Variants in CSMD1 observed in about 807,000 individuals in gnomAD.
The protein encoded by CSMD1 is CUB and sushi domain-containing protein 1.
In CSMD1, 213 loss-of-function variants were observed where a neutral mutation model predicts 417.5. That is an observed-to-expected ratio of 0.51 (90% CI 0.46 to 0.57). CSMD1 has a LOEUF of 0.57. CSMD1 is among the 20% of genes least tolerant of loss of function. The pLI is 0.00. For missense variants in CSMD1, 6,923 were observed against 4,529.7 expected (o/e 1.53, Z -15.17); for synonymous variants, 2,862 against 1,736.8 (o/e 1.65, Z -16.11).
At chr8:3,476,201 A>C (rs1426372063) in intron 11 of CSMD1, among the ~76,000 whole-genome samples, 1 of 152,202 alleles carries the variant, frequency 6.6e-6, no homozygotes, top group Non-Finnish European at 1.5e-5. Context: ...TGCAAAAACA[A>C]AACAAGAGAT....
chr8:3,152,735 C>T (rs1048341195), intron 39 of CSMD1, among the ~76,000 whole-genome samples: 2 of 152,170 alleles, frequency 1.3e-5, no homozygotes, highest in Non-Finnish European at 2.9e-5. Flanking sequence ...AACTGTGTTG[C>T]TATTTAAAGT....
chr8:4,286,705 A>T (rs916223567), intron 3 of CSMD1, among the ~76,000 whole-genome samples: 2 of 152,150 alleles, frequency 1.3e-5, no homozygotes, highest in African/African-American at 2.4e-5. Context: ...CAAACAAGAG[A>T]ATGTATGCAG....
intron 68 of CSMD1, 142 bp from the exon 69 acceptor site, chr8:2,942,746 T>G: frequency 1.6e-6 from 1 of 625,824 alleles, no homozygotes; most frequent in Non-Finnish European, 2.6e-6. Context: ...GATATTCTTT[T>G]CTAAAGATTT....
intron 3 of CSMD1, among the ~76,000 whole-genome samples, chr8:4,297,756 A>T (rs1797764257): frequency 6.6e-6 from 1 of 152,152 alleles, no homozygotes; most frequent in Non-Finnish European, 1.5e-5. Flanking sequence ...AACGATTAAG[A>T]ACCAACATCC....
intron 3 of CSMD1, among the ~76,000 whole-genome samples, chr8:4,185,849 G>C (rs1452526371): frequency 6.6e-6 from 1 of 152,186 alleles, no homozygotes; most frequent in African/African-American, 2.4e-5. Flanking sequence ...GCAATGAACA[G>C]AGCAACCGTT....
chr8:4,883,506 A>G (rs1050990940), intron 1 of CSMD1, among the ~76,000 whole-genome samples: 1 of 152,106 alleles, frequency 6.6e-6, no homozygotes, highest in African/African-American at 2.4e-5. Context: ...CATCAACCAG[A>G]TGTTGACAAC....
chr8:4,130,895 C>T lies in CSMD1; in HGVS notation c.416-98796G>A, dbSNP rs754584871. On this transcript the variant is annotated intron_variant, in intron 3 of 69. Transcript: ENST00000635120. ...TGTTCATATGCTGAGATAGGTAGAA[C>T]AATGCATTGGATGGACGGATTAATT... 7.9e-5 allele frequency among the ~76,000 whole-genome samples: 12 copies of T among 151,572 alleles called. 1 individual carries two copies. The highest frequency in any genetic ancestry group is 2.0e-4 in the Admixed American group (3 of 15,216).
At chr8:4,612,414 T>C (rs1006805420) in intron 2 of CSMD1, among the ~76,000 whole-genome samples, 2 of 152,142 alleles carry the variant, frequency 1.3e-5, no homozygotes, top group East Asian at 3.8e-4. Context: ...CAAATGATTG[T>C]TTTCTTCAGG....
Position 4,058,816 on chromosome 8 carries a change from G to C in CSMD1, c.416-26717C>G, listed in dbSNP as rs1351863880. Reference sequence around the variant, plus strand: ...GCAAGTCCTGAGTGACCTACAAAGAGACTTAGACTCCCACACAATAATAAT... The same window carrying C: ...GCAAGTCCTGAGTGACCTACAAAGACACTTAGACTCCCACACAATAATAAT... On this transcript the variant is annotated intron_variant, in intron 3 of 69. Coordinates refer to ENST00000635120, the MANE Select transcript of CSMD1 (RefSeq NM_033225.6). Among the ~76,000 whole-genome samples, 4 of 150,902 alleles carry C rather than the reference G, an allele frequency of 2.7e-5. No homozygotes were observed. In the East Asian group the frequency reaches 5.8e-4, roughly 22 times the overall value.
chr8:4,780,193 G>A (rs1797080684), intron 1 of CSMD1, among the ~76,000 whole-genome samples: 1 of 152,204 alleles, frequency 6.6e-6, no homozygotes, highest in South Asian at 2.1e-4. Context: ...GCCTATGATA[G>A]GGGATTATGT....
intron 6 of CSMD1, among the ~76,000 whole-genome samples, chr8:3,734,951 T>C (rs557618922): frequency 1.3e-5 from 2 of 152,262 alleles, no homozygotes; most frequent in Admixed American, 1.3e-4. Flanking sequence ...CCCTCCAGAG[T>C]AGCCTCTGTT....
chr8:3,062,615 G>A (rs752468456), intron 49 of CSMD1, among the ~76,000 whole-genome samples: 7 of 149,678 alleles, frequency 4.7e-5, no homozygotes, highest in East Asian at 1.9e-4. Context: ...AGGATTGAGC[G>A]AGAAGTATCT....
intron 4 of CSMD1, among the ~76,000 whole-genome samples, chr8:4,029,143 G>A (rs1373197382): frequency 6.6e-6 from 1 of 152,052 alleles, no homozygotes; most frequent in Admixed American, 6.6e-5. Flanking sequence ...TAAAAAGGAG[G>A]CAACAGGGCT....
chr8:4,465,623 G>C (rs548572005), intron 2 of CSMD1, among the ~76,000 whole-genome samples: 2 of 152,122 alleles, frequency 1.3e-5, no homozygotes, highest in Admixed American at 6.5e-5. Flanking sequence ...TTAAGTTAAG[G>C]CCTCAGTAGA....
intron 3 of CSMD1, among the ~76,000 whole-genome samples, chr8:4,155,672 G>T (rs770543676): frequency 3.8e-4 from 58 of 152,250 alleles, no homozygotes; most frequent in Admixed American, 1.3e-3. Flanking sequence ...AAACGTGACA[G>T]ATTTTAAGCA....
chr8:4,277,655 G>C (rs763317769), intron 3 of CSMD1, among the ~76,000 whole-genome samples: 10 of 152,132 alleles, frequency 6.6e-5, no homozygotes, highest in Non-Finnish European at 1.5e-4. Context: ...CAACCTGTTT[G>C]TATCATGTAC....
intron 3 of CSMD1, among the ~76,000 whole-genome samples, chr8:4,363,166 A>G (rs1038170692): frequency 1.3e-5 from 2 of 152,190 alleles, no homozygotes; most frequent in Non-Finnish European, 2.9e-5. Context: ...AAACATACCT[A>G]AACAGGCTTA....
intron 2 of CSMD1, among the ~76,000 whole-genome samples, chr8:4,533,263 G>A (rs1260357671): frequency 1.3e-5 from 2 of 152,128 alleles, no homozygotes; most frequent in Non-Finnish European, 2.9e-5. Flanking sequence ...TGGTAGAGAC[G>A]GCCGCTTGCT....
rs1800024571 is a variant in CSMD1, at chr8:3,795,470, TCATA to T, written c.819-41432_819-41429del. ...TATCATAGATATAGATATATATCTATCATAGATATAGATATATATCTATCATAGA... is the reference window on the plus strand; with the variant it reads ...TATCATAGATATAGATATATATCTATGATATAGATATATATCTATCATAGA... On this transcript the variant is annotated intron_variant, in intron 5 of 69. Transcript: ENST00000635120. 3.3e-4 allele frequency among the ~76,000 whole-genome samples: 4 copies of T among 12,178 alleles called. 2 individuals carry two copies. The highest frequency in any genetic ancestry group is 5.8e-4 in the Non-Finnish European group (4 of 6,846). 8.0% of individuals were successfully genotyped at this position (12,178 alleles called of 152,430 possible).
Sources: allele counts gnomAD v4.1 joint callset (sites outside exome capture counted in the v4.1 genomes callset), GRCh38; gene constraint gnomAD v4.1.1; transcripts MANE v1.5; gene names NCBI Gene and HGNC (gene_info 2026-07-23, HGNC 2026-07-21).